PRKN: variants seen among roughly 807,000 people sequenced by gnomAD.
PRKN encodes E3 ubiquitin-protein ligase parkin.
A neutral mutation model predicts 59.5 loss-of-function variants in PRKN; 56 were observed. That is an observed-to-expected ratio of 0.94 (90% CI 0.76 to 1.18). PRKN has a LOEUF of 1.18. Ranked by LOEUF, PRKN falls within the 50% of genes most tolerant of loss-of-function variation. The probability of loss-of-function intolerance (pLI) is 0.00; values close to 1 mark genes in which losing one functional copy is unlikely to be tolerated. For missense variants in PRKN, 657 were observed against 596.4 expected, an observed-to-expected ratio of 1.10 and a Z score of -1.06; for synonymous variants, 250 against 222.1, an observed-to-expected ratio of 1.13 and a Z score of -1.12.
At chr6:162,208,775 G>A (rs1051885358) in intron 3 of PRKN, among the ~76,000 whole-genome samples, 1 of 152,144 alleles carries the variant, frequency 6.6e-6, no homozygotes, top group Non-Finnish European at 1.5e-5. Flanking sequence ...AATGTAGATG[G>A]AAGAAACCAT....
At chr6:161,534,063 T>C (rs1462555234) in intron 9 of PRKN, among the ~76,000 whole-genome samples, 1 of 152,068 alleles carries the variant, frequency 6.6e-6, no homozygotes. Context: ...CTGGAAGCCC[T>C]TGCCTGGCCT....
At chr6:162,645,380 C>A (rs1429440717) in intron 1 of PRKN, among the ~76,000 whole-genome samples, 1 of 152,142 alleles carries the variant, frequency 6.6e-6, no homozygotes, top group African/African-American at 2.4e-5. Flanking sequence ...CATCAAGAAG[C>A]AAACAGTCAC....
chr6:161,862,097 G>T (rs9355942), intron 6 of PRKN, among the ~76,000 whole-genome samples: 2 of 151,832 alleles, frequency 1.3e-5, no homozygotes, highest in Non-Finnish European at 1.5e-5. Context: ...ATTGGATTTA[G>T]GGCCCACCCA....
chr6:161,686,024 T>C (rs1036246333), intron 7 of PRKN, among the ~76,000 whole-genome samples: 1 of 147,670 alleles, frequency 6.8e-6, no homozygotes, highest in Non-Finnish European at 1.5e-5. Context: ...TGTTTTTAAA[T>C]TTAATGACAA....
chr6:161,550,738 C>CGTGTGTGTGTGTGTGTGT lies in PRKN; in HGVS notation c.934-1753_934-1736dup, dbSNP rs57908717. ...AAGAAAGGGTATGTGTGTGTGTGCA[C>CGTGTGTGTGTGTGTGTGT]GTGTGTGTGTGTGTGTGTGTGTGTA... On this transcript the variant is annotated intron_variant, in intron 8 of 11. Coordinates refer to ENST00000366898, the MANE Select transcript of PRKN (RefSeq NM_004562.3). This position sits in a 1 kb window ranked among gnomAD's most constrained non-coding sequence, Gnocchi z 4.0. Among the ~76,000 whole-genome samples, 240 of 146,302 alleles carry CGTGTGTGTGTGTGTGTGT rather than the reference C, an allele frequency of 1.6e-3. No homozygotes were observed. Among genetic ancestry groups the CGTGTGTGTGTGTGTGTGT allele is most frequent in the Middle Eastern group, 7.0e-3 (2 of 286 alleles).
intron 4 of PRKN, among the ~76,000 whole-genome samples, chr6:162,131,715 T>C (rs1340556874): frequency 6.6e-6 from 1 of 152,188 alleles, no homozygotes; most frequent in Non-Finnish European, 1.5e-5. Flanking sequence ...AAGCCTTAAA[T>C]TTTTCCAAAG....
At position 162,595,342 on chromosome 6, in the gene PRKN, G is replaced by A. The variant is rs573314742; in HGVS notation, c.7+132320C>T. The stretch of plus-strand genomic sequence containing the variant: ...GCAATCTTGGCTCACTGCAACCTCC[G>A]CCTCCCGGGTTCAAGCAATCCTCCT... On this transcript the variant is annotated intron_variant, in intron 1 of 11. Coordinates refer to ENST00000366898, the MANE Select transcript of PRKN (RefSeq NM_004562.3). 1.6e-3 allele frequency among the ~76,000 whole-genome samples: 234 copies of A among 150,604 alleles called. 1 individual carries two copies. Among genetic ancestry groups the A allele is most frequent in the Middle Eastern group, 3.4e-3 (1 of 294 alleles).
intron 1 of PRKN, among the ~76,000 whole-genome samples, chr6:162,455,389 G>A (rs1457334007): frequency 6.6e-6 from 1 of 152,154 alleles, no homozygotes; most frequent in African/African-American, 2.4e-5. Flanking sequence ...TGCAAACCTA[G>A]ATTATATAGC....
rs1779995491 is a variant in PRKN, at chr6:161,551,061, C to T, written c.934-2058G>A. On this transcript the variant is annotated intron_variant, in intron 8 of 11. Transcript: ENST00000366898. The surrounding 1 kb of genome is among the most constrained non-coding windows in gnomAD (Gnocchi z 5.2). Reference sequence around the variant, plus strand: ...GAGGTCTAAGAGTTCGGATGGCAAACAAACTAGAATCTCTGAATTTATGGG... The same window carrying T: ...GAGGTCTAAGAGTTCGGATGGCAAATAAACTAGAATCTCTGAATTTATGGG... 6.6e-6 allele frequency among the ~76,000 whole-genome samples: 1 copy of T among 152,136 alleles called. No individual in the cohort carries two copies. The highest frequency in any genetic ancestry group is 1.5e-5 in the Non-Finnish European group (1 of 68,044).
At chr6:161,589,778 CTTTTTT>C (rs201984579) in intron 7 of PRKN, among the ~76,000 whole-genome samples, 2 of 124,104 alleles carry the variant, frequency 1.6e-5, no homozygotes, top group African/African-American at 6.2e-5. Context: ...GGATTAAATT[CTTTTTT>C]TTTTTTTTTT....
Position 161,413,037 on chromosome 6 carries a change from G to A in PRKN, c.1084-26160C>T, listed in dbSNP as rs1347454427. On this transcript the variant is annotated intron_variant, in intron 9 of 11. Coordinates refer to ENST00000366898, the MANE Select transcript of PRKN (RefSeq NM_004562.3). The surrounding 1 kb of genome is among the most constrained non-coding windows in gnomAD (Gnocchi z 4.4). Reference sequence around the variant, plus strand: ...CTCTTGCCTGCCTTCCTGACTGCTGGACTAGAATCTCGCAGGGATTGAGCT... The same window carrying A: ...CTCTTGCCTGCCTTCCTGACTGCTGAACTAGAATCTCGCAGGGATTGAGCT... Among the ~76,000 whole-genome samples the A allele has an allele frequency of 6.6e-6, 1 of 152,204 alleles. No individual in the cohort carries two copies. The highest frequency in any genetic ancestry group is 1.5e-5 in the Non-Finnish European group (1 of 68,028).
chr6:162,421,884 A>G (rs2128159656), intron 2 of PRKN, among the ~76,000 whole-genome samples: 1 of 152,348 alleles, frequency 6.6e-6, no homozygotes, highest in South Asian at 2.1e-4. Context: ...TAAACTATTA[A>G]AGTATGTATT....
chr6:162,410,729 C>G (rs1043904386), intron 2 of PRKN, among the ~76,000 whole-genome samples: 1 of 152,170 alleles, frequency 6.6e-6, no homozygotes, highest in African/African-American at 2.4e-5. Flanking sequence ...CAACTCTCAT[C>G]CAGGAGGCTT....
At chr6:162,493,021 C>A (rs772915107) in intron 1 of PRKN, among the ~76,000 whole-genome samples, 2 of 151,762 alleles carry the variant, frequency 1.3e-5, no homozygotes, top group Non-Finnish European at 2.9e-5. Flanking sequence ...CTTCCTGCCC[C>A]CTCCCACACC....
intron 9 of PRKN, among the ~76,000 whole-genome samples, chr6:161,406,953 T>C (rs755852513): frequency 5.9e-5 from 9 of 152,276 alleles, no homozygotes; most frequent in South Asian, 2.1e-4. Context: ...ACAGAGCTTC[T>C]TGCTGACTTG....
chr6:162,328,490 G>C (rs1426334929), intron 2 of PRKN, among the ~76,000 whole-genome samples: 3 of 152,168 alleles, frequency 2.0e-5, no homozygotes, highest in Non-Finnish European at 4.4e-5. Context: ...CAACGAATGT[G>C]TATTAGAACT....
chr6:161,802,140 AG>A (rs1002435305), intron 6 of PRKN, among the ~76,000 whole-genome samples: 1 of 152,158 alleles, frequency 6.6e-6, no homozygotes, highest in African/African-American at 2.4e-5. Context: ...CATTGGAGGA[AG>A]AGTCATTATT....
intron 9 of PRKN, among the ~76,000 whole-genome samples, chr6:161,436,302 C>CTGGGATGGGAGGGCAGAGAGGAGGAGG (rs1562448140): frequency 8.4e-4 from 18 of 21,302 alleles, no homozygotes; most frequent in African/African-American, 2.2e-3. Context: ...AGAGCAGGGG[C>CTGGGATGGGAGGGCAGAGAGGAGGAGG]CGGGATGGGA....
chr6:161,902,564 A>C (rs9364625), intron 6 of PRKN, among the ~76,000 whole-genome samples: 1 of 112,046 alleles, frequency 8.9e-6, no homozygotes, highest in South Asian at 2.9e-4. Context: ...TTATTTATTT[A>C]TTTTTTTTTT....
Sources: gnomAD v4.1 joint callset for allele counts (sites outside exome capture counted in the v4.1 genomes callset) on GRCh38, gnomAD v4.1.1 for gene constraint, Gnocchi (gnomAD v3.1) non-coding constraint, MANE v1.5 for transcripts, NCBI Gene and HGNC (gene_info 2026-07-23, HGNC 2026-07-21) for gene names.